The following PAG1 variants were observed in gnomAD, a reference collection of about 807,000 sequenced individuals.
The protein encoded by PAG1 is phosphoprotein associated with glycosphingolipid-enriched microdomains 1.
Under a neutral mutation model 31.7 loss-of-function variants are expected in PAG1, and 23 were observed. That is an observed-to-expected ratio of 0.73 (90% confidence interval 0.52 to 1.03). The LOEUF (loss-of-function observed/expected upper bound fraction) is 1.03. Ranked by LOEUF, PAG1 falls within the 50% of genes least tolerant of loss-of-function variation. The pLI is 0.00. For synonymous variants in PAG1, 214 were observed against 210.3 expected, an observed-to-expected ratio of 1.02 and a Z score of -0.15; for missense variants, 473 against 540.7, an observed-to-expected ratio of 0.87 and a Z score of 1.24.
At chr8:81,056,979 T>C (rs1808834667) in intron 2 of PAG1, among the ~76,000 whole-genome samples, 1 of 152,222 alleles carries the variant, frequency 6.6e-6, no homozygotes, top group Non-Finnish European at 1.5e-5. Flanking sequence ...GTGCTCATCA[T>C]CACTGGCCAT....
intron 2 of PAG1, among the ~76,000 whole-genome samples, chr8:81,042,918 A>T (rs2130842795): frequency 6.6e-6 from 1 of 152,242 alleles, no homozygotes; most frequent in East Asian, 1.9e-4. Context: ...CTCTCATCTC[A>T]CGGCACTGTT....
At chr8:81,087,341 CA>C (rs34830995) in intron 1 of PAG1, among the ~76,000 whole-genome samples, 50,211 of 98,160 alleles carry the variant, frequency 0.51, 8,323 homozygotes, top group East Asian at 0.6. Context: ...GACTCTGTCT[CA>C]AAAAAAAAAA....
chr8:81,007,071 T>G (rs1425753562), intron 3 of PAG1, among the ~76,000 whole-genome samples: 1 of 152,158 alleles, frequency 6.6e-6, no homozygotes, highest in African/African-American at 2.4e-5. Context: ...TTCTCTATGC[T>G]ACGTTTTCAC....
At chr8:81,012,836 G>A (rs938619738) in intron 3 of PAG1, among the ~76,000 whole-genome samples, 11 of 152,282 alleles carry the variant, frequency 7.2e-5, no homozygotes, top group African/African-American at 2.6e-4. Context: ...GAAACCCTGG[G>A]CACTAGCTAG....
At chr8:81,043,926 G>T (rs753476312) in intron 2 of PAG1, among the ~76,000 whole-genome samples, 1 of 152,154 alleles carries the variant, frequency 6.6e-6, no homozygotes, top group Non-Finnish European at 1.5e-5. Context: ...AGTTCTCCCT[G>T]ACTTTCTAGT....
intron 2 of PAG1, among the ~76,000 whole-genome samples, chr8:81,065,503 G>A (rs1304570198): frequency 2.6e-5 from 4 of 152,068 alleles, no homozygotes; most frequent in South Asian, 2.1e-4. Context: ...TCAGAAACTC[G>A]CCATAGGTCA....
chr8:81,050,816 T>A (rs1808716483), intron 2 of PAG1, among the ~76,000 whole-genome samples: 1 of 152,212 alleles, frequency 6.6e-6, no homozygotes, highest in Admixed American at 6.5e-5. Flanking sequence ...CTCACATTCC[T>A]GCTGCATGAG....
intron 3 of PAG1, among the ~76,000 whole-genome samples, chr8:81,011,590 T>TA (rs1355721878): frequency 3.3e-4 from 51 of 152,320 alleles, no homozygotes; most frequent in Non-Finnish European, 1.5e-5. Context: ...AGGTGCTTAG[T>TA]AAATATTGAT....
chr8:81,011,139 A>C (rs939660322), intron 3 of PAG1, among the ~76,000 whole-genome samples: 5 of 151,446 alleles, frequency 3.3e-5, no homozygotes, highest in African/African-American at 1.2e-4. Flanking sequence ...TGTATGTACA[A>C]CCTCTAGAAT....
intron 1 of PAG1, among the ~76,000 whole-genome samples, chr8:81,080,772 C>T (rs76254899): frequency 0.013 from 1,977 of 152,200 alleles, 43 homozygotes; most frequent in African/African-American, 0.044. Flanking sequence ...AGTGAGCAAA[C>T]AAAATATGCT....
chr8:80,976,603 C>A lies in PAG1; in HGVS notation c.1240G>T (p.Glu414Ter). The change falls in exon 9 of 9, where the codon GAG becomes TAG. Residue 414 changes from glutamate to a stop codon, truncating the protein, a stop_gained. Coordinates refer to ENST00000220597, the MANE Select transcript of PAG1 (RefSeq NM_018440.4). LOFTEE classifies it high-confidence loss of function. The stretch of plus-strand genomic sequence containing the variant: ...TCACTTATGCTCTCGTAGTCGTTCT[C>A]CTTTGGGACGAGACCGTGGTGGCCA... The part of the protein sequence containing the change: ...TNGHHGLVPK[E>*]NDYESISDLQ... The A allele has an allele frequency of 6.2e-7, 1 of 1,614,164 alleles. No homozygotes were observed. Among genetic ancestry groups the A allele is most frequent in the Non-Finnish European group, 8.5e-7 (1 of 1,180,020 alleles).
At chr8:81,078,505 T>C (rs1418877988) in intron 1 of PAG1, among the ~76,000 whole-genome samples, 2 of 152,190 alleles carry the variant, frequency 1.3e-5, no homozygotes. Context: ...AAGAGACACA[T>C]CTATGTTTCT....
intron 2 of PAG1, among the ~76,000 whole-genome samples, chr8:81,030,365 C>CAAATCA (rs1260781074): frequency 5.3e-5 from 8 of 152,218 alleles, no homozygotes; most frequent in Non-Finnish European, 1.0e-4. Context: ...TAATCAAATA[C>CAAATCA]AAATCAATTT....
intron 3 of PAG1, among the ~76,000 whole-genome samples, chr8:81,017,315 C>T (rs1808088949): frequency 6.6e-6 from 1 of 152,196 alleles, no homozygotes; most frequent in Non-Finnish European, 1.5e-5. Context: ...AGAACTCTGA[C>T]TTTTTATTTC....
chr8:80,969,214 G>A lies in PAG1; in HGVS notation c.*7330C>T, dbSNP rs917467677. ...CATGGCTCCAGGAAAAACAAGACAA[G>A]TACTATACTCAAAAAGTAAAGTTAA... On this transcript the variant is annotated 3_prime_UTR_variant, in exon 9 of 9. Transcript: ENST00000220597. 1 of 151,278 alleles carries A rather than the reference G, an allele frequency of 6.6e-6. No homozygotes were observed. The highest frequency in any genetic ancestry group is 2.4e-5 in the African/African-American group (1 of 40,934). 9.4% of individuals were successfully genotyped at this position (151,278 alleles called of 1,614,324 possible). A position where few individuals can be genotyped will look rare whatever the true frequency, so the allele number is the denominator to read the frequency against.
At chr8:81,011,621 T>C (rs1807986710) in intron 3 of PAG1, among the ~76,000 whole-genome samples, 1 of 152,192 alleles carries the variant, frequency 6.6e-6, no homozygotes, top group Non-Finnish European at 1.5e-5. Flanking sequence ...AATGCATATC[T>C]TTGCAGTCTT....
chr8:80,980,440 C>T lies in PAG1; in HGVS notation c.931G>A (p.Glu311Lys). Residue 311 changes from glutamate (E) to lysine (K), a missense_variant, in exon 8 of 9, where the codon GAA becomes AAA. Glu to Lys is a moderately conservative substitution (Grantham distance 56, BLOSUM62 1). Coordinates refer to ENST00000220597, the MANE Select transcript of PAG1 (RefSeq NM_018440.4). ...TAAAAAGAAACAAAACTTACCTCTT[C>T]TTCTGTGAGAGTGGGGTCTTCTTCC... ...SREEDPTLTE[E>K]EISAMYSSVN... 1 of 1,588,308 alleles carries T rather than the reference C, an allele frequency of 6.3e-7. No individual in the cohort carries two copies. Among genetic ancestry groups the T allele is most frequent in the Non-Finnish European group, 8.6e-7 (1 of 1,156,776 alleles).
At chr8:80,986,864 T>C (rs1393884075) in intron 6 of PAG1, among the ~76,000 whole-genome samples, 1 of 152,068 alleles carries the variant, frequency 6.6e-6, no homozygotes, top group Non-Finnish European at 1.5e-5. Flanking sequence ...TGGATTCTCC[T>C]TGAGGCTTCA....
At chr8:81,108,043 T>G (rs796263227) in intron 1 of PAG1, among the ~76,000 whole-genome samples, 31 of 152,316 alleles carry the variant, frequency 2.0e-4, no homozygotes, top group African/African-American at 7.2e-4. Flanking sequence ...CAGAAGAAAA[T>G]TATTCAGAGA....
Sources: gnomAD v4.1 joint callset for allele counts (sites outside exome capture counted in the v4.1 genomes callset) on GRCh38, gnomAD v4.1.1 for gene constraint, MANE v1.5 for transcripts, NCBI Gene and HGNC (gene_info 2026-07-23, HGNC 2026-07-21) for gene names.